Variants in SLC10A7 observed in about 807,000 individuals in gnomAD.
SLC10A7 encodes the protein solute carrier family 10 member 7, also known as sodium/bile acid cotransporter 7.
Under a neutral mutation model 43.2 loss-of-function variants are expected in SLC10A7, and 29 were observed. That is an observed-to-expected ratio of 0.67 (90% CI 0.50 to 0.92). The LOEUF (loss-of-function observed/expected upper bound fraction) is 0.92, where lower values mean the gene tolerates loss of function less well. SLC10A7 is among the 40% of genes least tolerant of loss of function. The pLI is 0.00. For synonymous variants in SLC10A7, 152 were observed against 144.8 expected (o/e 1.05, Z -0.35); for missense variants, 295 against 403.2 (o/e 0.73, Z 2.30).
chr4:146,447,610 T>G (rs1731212109), intron 4 of SLC10A7, among the ~76,000 whole-genome samples: 1 of 152,156 alleles, frequency 6.6e-6, no homozygotes. Flanking sequence ...AAAATCCCAT[T>G]AGCAAAATGT....
chr4:146,467,210 T>C (rs904434428), intron 4 of SLC10A7, among the ~76,000 whole-genome samples: 29 of 152,314 alleles, frequency 1.9e-4, no homozygotes, highest in Admixed American at 1.9e-3. Context: ...GTTTGTATAC[T>C]TACCAGATTG....
At chr4:146,326,257 C>A (rs1201970640) in intron 5 of SLC10A7, among the ~76,000 whole-genome samples, 1 of 152,178 alleles carries the variant, frequency 6.6e-6, no homozygotes, top group Non-Finnish European at 1.5e-5. Flanking sequence ...AACCTAAATT[C>A]CCTTCCACAT....
At chr4:146,472,590 T>C (rs1733671692) in intron 4 of SLC10A7, among the ~76,000 whole-genome samples, 1 of 152,082 alleles carries the variant, frequency 6.6e-6, no homozygotes, top group African/African-American at 2.4e-5. Flanking sequence ...ATAATCCAAC[T>C]GTGTTCCCAT....
chr4:146,500,370 A>G (rs549203081), intron 4 of SLC10A7, among the ~76,000 whole-genome samples: 1 of 151,288 alleles, frequency 6.6e-6, no homozygotes, highest in South Asian at 2.1e-4. Flanking sequence ...AATACTACCT[A>G]CCTCATCATC....
At chr4:146,456,350 T>G (rs993416818) in intron 4 of SLC10A7, among the ~76,000 whole-genome samples, 5 of 151,890 alleles carry the variant, frequency 3.3e-5, no homozygotes, top group African/African-American at 1.2e-4. Flanking sequence ...CAACTGGGTG[T>G]ACTGGAATAC....
At position 146,442,610 on chromosome 4, in the gene SLC10A7, T is replaced by C. The variant is rs1199372768; in HGVS notation, c.435+173A>G. On this transcript the variant is annotated intron_variant, in intron 5 of 11. Transcript: ENST00000335472. ...TCCAAAATATATTGTAAGAGAACATTTGCTTTATTCATTAACTACTTTTCT... is the reference window on the plus strand; with the variant it reads ...TCCAAAATATATTGTAAGAGAACATCTGCTTTATTCATTAACTACTTTTCT... The C allele has an allele frequency of 2.7e-6, 4 of 1,455,800 alleles. No individual in the cohort carries two copies. In the East Asian group the frequency reaches 1.1e-4, roughly 40 times the overall value. 90.2% of individuals were successfully genotyped at this position (1,455,800 alleles called of 1,614,324 possible).
At chr4:146,484,394 T>C (rs1315670645) in intron 4 of SLC10A7, among the ~76,000 whole-genome samples, 1 of 151,894 alleles carries the variant, frequency 6.6e-6, no homozygotes, top group Non-Finnish European at 1.5e-5. Context: ...AGACAGAAAA[T>C]GAATGGAGAA....
At chr4:146,326,206 C>A (rs1733092697) in intron 5 of SLC10A7, among the ~76,000 whole-genome samples, 1 of 152,214 alleles carries the variant, frequency 6.6e-6, no homozygotes, top group Non-Finnish European at 1.5e-5. Flanking sequence ...AGCCTGAAAG[C>A]ACAACCACCA....
At chr4:146,466,023 AAAG>A (rs1454084204) in intron 4 of SLC10A7, among the ~76,000 whole-genome samples, 3 of 152,144 alleles carry the variant, frequency 2.0e-5, no homozygotes, top group Non-Finnish European at 4.4e-5. Context: ...CTTAAAGTTG[AAAG>A]AAGTTTATGT....
At position 146,255,186 on chromosome 4, in the gene SLC10A7, A is replaced by C. The variant is rs950824109; in HGVS notation, c.*1305T>G. 29 of 152,638 alleles carry C rather than the reference A, an allele frequency of 1.9e-4. No individual in the cohort carries two copies. Among genetic ancestry groups the C allele is most frequent in the African/African-American group, 7.0e-4 (29 of 41,444 alleles). The allele number at this position is 152,638 out of a possible 1,614,324, so 9.5% of individuals were successfully genotyped here. On this transcript the variant is annotated 3_prime_UTR_variant, in exon 12 of 12. Transcript: ENST00000335472. Reference sequence around the variant, plus strand: ...TGACAGGACGGCATGGGGGAAACACAGAAAAGTGTTCTCGTAGTTCTATAC... The same window carrying C: ...TGACAGGACGGCATGGGGGAAACACCGAAAAGTGTTCTCGTAGTTCTATAC...
At chr4:146,349,427 A>G (rs1734861312) in intron 5 of SLC10A7, among the ~76,000 whole-genome samples, 1 of 152,250 alleles carries the variant, frequency 6.6e-6, no homozygotes, top group Non-Finnish European at 1.5e-5. Context: ...AAATTATTTC[A>G]GCCACTGTGG....
intron 10 of SLC10A7, among the ~76,000 whole-genome samples, chr4:146,281,474 A>C (rs887244026): frequency 1.3e-5 from 2 of 151,728 alleles, no homozygotes; most frequent in African/African-American, 2.4e-5. Context: ...AGCCTGTTGC[A>C]GAAATGTGGG....
intron 10 of SLC10A7, among the ~76,000 whole-genome samples, chr4:146,273,044 A>C (rs1728990720): frequency 6.6e-6 from 1 of 152,146 alleles, no homozygotes; most frequent in African/African-American, 2.4e-5. Flanking sequence ...ATCTCTTTAG[A>C]GCCATCTCTA....
At chr4:146,414,672 G>A (rs1015050665) in intron 5 of SLC10A7, among the ~76,000 whole-genome samples, 2 of 151,360 alleles carry the variant, frequency 1.3e-5, no homozygotes, top group East Asian at 1.9e-4. Context: ...GCAGTGGGCC[G>A]AGGTTATACC....
At chr4:146,518,383 T>TTAAA (rs1738213334) in intron 1 of SLC10A7, among the ~76,000 whole-genome samples, 1 of 152,164 alleles carries the variant, frequency 6.6e-6, no homozygotes, top group Admixed American at 6.6e-5. Flanking sequence ...AGGAATTCTA[T>TTAAA]TAAACATCTT....
chr4:146,471,235 G>A (rs1733542912), intron 4 of SLC10A7, among the ~76,000 whole-genome samples: 1 of 152,142 alleles, frequency 6.6e-6, no homozygotes, highest in Non-Finnish European at 1.5e-5. Flanking sequence ...TTTCAGAACA[G>A]GGATACTGAA....
chr4:146,386,018 A>G (rs184153404), intron 5 of SLC10A7, among the ~76,000 whole-genome samples: 178 of 152,234 alleles, frequency 1.2e-3, no homozygotes, highest in African/African-American at 3.9e-3. Context: ...TGTTTTTGCT[A>G]TTGTGAATAA....
At chr4:146,356,525 A>C (rs1037114349) in intron 5 of SLC10A7, among the ~76,000 whole-genome samples, 2 of 151,608 alleles carry the variant, frequency 1.3e-5, no homozygotes, top group African/African-American at 4.9e-5. Context: ...TCCCTCACTT[A>C]CTCAAGTCTC....
chr4:146,341,830 A>C (rs1027135329), intron 5 of SLC10A7, among the ~76,000 whole-genome samples: 2 of 151,904 alleles, frequency 1.3e-5, no homozygotes, highest in African/African-American at 4.8e-5. Flanking sequence ...TTTAATACAG[A>C]AAATATTATA....
Sources: allele counts gnomAD v4.1 joint callset (sites outside exome capture counted in the v4.1 genomes callset), GRCh38; gene constraint gnomAD v4.1.1; transcripts MANE v1.5; gene names NCBI Gene and HGNC (gene_info 2026-07-23, HGNC 2026-07-21).